Variants in NRCAM observed in about 807,000 individuals in gnomAD.
NRCAM encodes NgCAM-related cell adhesion molecule.
NRCAM carries 83 observed loss-of-function variants against 156.5 expected under a neutral mutation model. The observed-to-expected ratio is 0.53, with a 90% CI of 0.44 to 0.64. The LOEUF is 0.64. Ranked by LOEUF, NRCAM falls within the 30% of genes least tolerant of loss-of-function variation. The pLI is 0.00. For synonymous variants in NRCAM, 538 were observed against 563.9 expected (o/e 0.95, Z 0.65); for missense variants, 1,417 against 1,597.3 (o/e 0.89, Z 1.92).
At position 108,338,131 on chromosome 7, in the gene NRCAM, C is replaced by T. The variant is rs370786870; in HGVS notation, c.-173-25400G>A. On this transcript the variant is annotated intron_variant, in intron 2 of 32. Coordinates refer to ENST00000379028, the MANE Select transcript of NRCAM (RefSeq NM_001037132.4). ...CCGACTAGAGGCAGAAAGCTGTTGT[C>T]CCAAATTCCCGGCAGTAGCCGGTTG... Among the ~76,000 whole-genome samples, 3 of 152,344 alleles carry T rather than the reference C, an allele frequency of 2.0e-5. No homozygotes were observed. The East Asian group carries it at 5.8e-4, about 30-fold the overall frequency.
chr7:108,263,767 G>A (rs1422890285), intron 3 of NRCAM, among the ~76,000 whole-genome samples: 1 of 152,186 alleles, frequency 6.6e-6, no homozygotes, highest in Non-Finnish European at 1.5e-5. Context: ...GGTGCCACCA[G>A]CAAGGAACAC....
At chr7:108,271,466 C>T (rs994597224) in intron 3 of NRCAM, among the ~76,000 whole-genome samples, 6 of 152,016 alleles carry the variant, frequency 3.9e-5, no homozygotes, top group East Asian at 1.9e-4. Context: ...GGGAGGCTAA[C>T]GCGGGCAGAT....
At position 108,186,400 on chromosome 7, in the gene NRCAM, T is replaced by C. The variant is rs953302964; in HGVS notation, c.2036-1786A>G. On this transcript the variant is annotated intron_variant, in intron 20 of 32. Transcript: ENST00000379028. ...AACTAATTCTAATCTTCCTCTCCAA[T>C]TGATAGTGACAGCCCAGGTCAAAAT... is the stretch of plus-strand genomic sequence containing the variant. Among the ~76,000 whole-genome samples, 89 of 152,298 alleles carry C rather than the reference T, an allele frequency of 5.8e-4. 1 individual carries two copies. Among genetic ancestry groups the C allele is most frequent in the African/African-American group, 2.0e-3 (82 of 41,572 alleles).
chr7:108,223,829 T>A lies in NRCAM; in HGVS notation c.786A>T (p.Ser262=). The change falls in exon 11 of 33, where the codon TCA becomes TCT. Residue 262 remains serine (S), a synonymous_variant. Coordinates refer to ENST00000379028, the MANE Select transcript of NRCAM (RefSeq NM_001037132.4). ...AAAATGTTGGTGGCCTCTCTCTACT[T>A]GATTTAGCTGCAAACAAGAAAATCA... ...LSDTEFYGAK[S]SRERPPTFLT... The A allele has an allele frequency of 6.5e-7, 1 of 1,533,464 alleles. No individual in the cohort carries two copies. Among genetic ancestry groups the A allele is most frequent in the Non-Finnish European group, 9.0e-7 (1 of 1,107,332 alleles). 95.0% of individuals were successfully genotyped at this position (1,533,464 alleles called of 1,614,324 possible).
chr7:108,280,580 T>C (rs2097817637), intron 3 of NRCAM, among the ~76,000 whole-genome samples: 1 of 152,226 alleles, frequency 6.6e-6, no homozygotes, highest in African/African-American at 2.4e-5. Flanking sequence ...CATTGAACTG[T>C]CTCAAAAATC....
At chr7:108,198,914 G>A (rs1290026071) in intron 13 of NRCAM, among the ~76,000 whole-genome samples, 1 of 152,220 alleles carries the variant, frequency 6.6e-6, no homozygotes, top group Non-Finnish European at 1.5e-5. Context: ...AACACAGTAT[G>A]TGAGGATTTA....
At chr7:108,371,091 A>C (rs2099625544) in intron 2 of NRCAM, among the ~76,000 whole-genome samples, 1 of 152,150 alleles carries the variant, frequency 6.6e-6, no homozygotes, top group Non-Finnish European at 1.5e-5. Context: ...CAGATGAAAA[A>C]CAAAAGCTAG....
intron 4 of NRCAM, among the ~76,000 whole-genome samples, chr7:108,238,130 G>A (rs1371672964): frequency 1.3e-5 from 2 of 152,090 alleles, no homozygotes; most frequent in African/African-American, 2.4e-5. Context: ...CAATTAATTT[G>A]AGTTGTCACA....
chr7:108,250,638 G>C (rs2153894069), intron 3 of NRCAM, among the ~76,000 whole-genome samples: 1 of 151,376 alleles, frequency 6.6e-6, no homozygotes, highest in African/African-American at 2.4e-5. Flanking sequence ...AAATGGGGAT[G>C]GTTATTAGGT....
chr7:108,402,315 A>G (rs1341930170), intron 1 of NRCAM, among the ~76,000 whole-genome samples: 2 of 152,240 alleles, frequency 1.3e-5, no homozygotes, highest in Non-Finnish European at 2.9e-5. Flanking sequence ...GTTATTTACT[A>G]TAATAAAATC....
rs550689148 is a variant in NRCAM, at chr7:108,168,873, C to T, written c.3188-471G>A. Among the ~76,000 whole-genome samples, 18 of 152,266 alleles carry T rather than the reference C, an allele frequency of 1.2e-4. No homozygotes were observed. In the East Asian group the frequency reaches 3.5e-3, roughly 29 times the overall value. Reference sequence around the variant, plus strand: ...CTTTAAAAAATCTGTGTTGGTGTGACAGAGAATGCCCCTTTGAACAGCGTT... The same window carrying T: ...CTTTAAAAAATCTGTGTTGGTGTGATAGAGAATGCCCCTTTGAACAGCGTT... On this transcript the variant is annotated intron_variant, in intron 28 of 32. Coordinates refer to ENST00000379028, the MANE Select transcript of NRCAM (RefSeq NM_001037132.4).
intron 28 of NRCAM, among the ~76,000 whole-genome samples, chr7:108,171,474 C>T (rs562283556): frequency 6.6e-5 from 10 of 152,228 alleles, no homozygotes; most frequent in African/African-American, 2.2e-4. Context: ...CCCAGACATC[C>T]GGTATGTTTT....
At chr7:108,375,845 G>A (rs2099673093) in intron 2 of NRCAM, among the ~76,000 whole-genome samples, 1 of 152,254 alleles carries the variant, frequency 6.6e-6, no homozygotes, top group East Asian at 1.9e-4. Context: ...GAAATAATGT[G>A]AACTGAAATA....
In NRCAM at chr7:108,300,160, C is replaced by CTTTTTT. The variant is rs10665036; in HGVS notation, c.-107+12499_-107+12504dup. Among the ~76,000 whole-genome samples, 26 of 65,862 alleles carry CTTTTTT rather than the reference C, an allele frequency of 3.9e-4. 3 individuals carry two copies. Among genetic ancestry groups the CTTTTTT allele is most frequent in the African/African-American group, 1.1e-3 (20 of 17,662 alleles). 43.2% of individuals were successfully genotyped at this position (65,862 alleles called of 152,430 possible). A position where few individuals can be genotyped will look rare whatever the true frequency, so the allele number is the denominator to read the frequency against. On this transcript the variant is annotated intron_variant, in intron 3 of 32. Transcript: ENST00000379028. ...TAATCCTTCCCCAAATTTCTGTTGA[C>CTTTTTT]TTTTTTTTTTTTTTTTTTTTTTTTT...
chr7:108,451,481 A>G (rs1850334769), intron 1 of NRCAM, among the ~76,000 whole-genome samples: 1 of 152,264 alleles, frequency 6.6e-6, no homozygotes, highest in South Asian at 2.1e-4. Flanking sequence ...AATTGAAAGC[A>G]GTGACTCAGA....
chr7:108,149,966 C>T lies in NRCAM; in HGVS notation c.3859G>A (p.Gly1287Arg), dbSNP rs1563144001. 5 of 1,613,930 alleles carry T rather than the reference C, an allele frequency of 3.1e-6. No individual in the cohort carries two copies. Among genetic ancestry groups the T allele is most frequent in the Non-Finnish European group, 4.2e-6 (5 of 1,179,944 alleles). Reference protein sequence around the residue: ...SGKKEKEPAEGNESSEAPSPV... With the variant: ...SGKKEKEPAERNESSEAPSPV... ...GAAGGTGCCTCTGAGCTTTCGTTTC[C>T]TTCAGCCGGCTCTTTCTCTTTCTTA... is the stretch of plus-strand genomic sequence containing the variant. The change falls in exon 33 of 33, where the codon GGA becomes AGA. Residue 1287 changes from glycine to arginine, a missense_variant. Coordinates refer to ENST00000379028, the MANE Select transcript of NRCAM (RefSeq NM_001037132.4).
chr7:108,174,429 A>C (rs761769880), intron 28 of NRCAM, among the ~76,000 whole-genome samples: 5 of 152,174 alleles, frequency 3.3e-5, no homozygotes, highest in African/African-American at 4.8e-5. Flanking sequence ...TCCTGTTTAT[A>C]CTCACCTGAT....
At chr7:108,292,354 G>GA (rs1011947619) in intron 3 of NRCAM, among the ~76,000 whole-genome samples, 25 of 151,974 alleles carry the variant, frequency 1.6e-4, no homozygotes, top group African/African-American at 4.8e-4. Flanking sequence ...CTTTACTTGT[G>GA]AAAAAACGGT....
intron 2 of NRCAM, among the ~76,000 whole-genome samples, chr7:108,376,032 A>C (rs542142511): frequency 6.6e-6 from 1 of 152,298 alleles, no homozygotes; most frequent in Admixed American, 6.5e-5. Flanking sequence ...AGTTAACCTG[A>C]GATGGACACC....
Sources: gnomAD v4.1 joint callset for allele counts (sites outside exome capture counted in the v4.1 genomes callset) on GRCh38, gnomAD v4.1.1 for gene constraint, MANE v1.5 for transcripts, NCBI Gene and HGNC (gene_info 2026-07-23, HGNC 2026-07-21) for gene names.